The following DMTN variants were observed in gnomAD, a reference collection of about 807,000 sequenced individuals.
DMTN encodes dematin.
DMTN carries 27 observed loss-of-function variants against 59.4 expected under a neutral mutation model. That is an observed-to-expected ratio of 0.45 (90% CI 0.33 to 0.63). DMTN has a LOEUF of 0.63. DMTN is among the 20% of genes least tolerant of loss of function. The pLI is 0.02. For synonymous variants in DMTN, 221 were observed against 203.7 expected, an observed-to-expected ratio of 1.08 and a Z score of -0.72; for missense variants, 451 against 528.9, an observed-to-expected ratio of 0.85 and a Z score of 1.45.
chr8:22,061,897 A>G (rs948019421), intron 1 of DMTN, among the ~76,000 whole-genome samples: 1 of 146,528 alleles, frequency 6.8e-6, no homozygotes, highest in African/African-American at 2.5e-5. Context: ...GGGACCACAG[A>G]TGTGCACCAC....
intron 12 of DMTN, 42 bp from the exon 13 acceptor site, chr8:22,080,576 A>ACCTCAGAGCTGCATCTGAC (rs1823523121): frequency 7.4e-6 from 12 of 1,612,466 alleles, no homozygotes; most frequent in Admixed American, 1.7e-5. Flanking sequence ...TGGCCTGCTG[A>ACCTCAGAGCTGCATCTGAC]CCTCAGAGCT....
intron 9 of DMTN, 93 bp from the exon 10 acceptor site, chr8:22,073,630 CAAAAAAA>C (rs143269534): frequency 0.043 from 25,099 of 581,238 alleles, 5 homozygotes; most frequent in East Asian, 0.063. Flanking sequence ...GACCCTGTCT[CAAAAAAA>C]AAAAAAAAAA....
intron 10 of DMTN, among the ~76,000 whole-genome samples, chr8:22,079,489 T>C (rs1016726244): frequency 6.6e-6 from 1 of 151,590 alleles, no homozygotes; most frequent in Admixed American, 6.6e-5. Context: ...ATATGAATAC[T>C]AGCTGAGCAG....
rs386412281 is a variant in DMTN, at chr8:22,075,516, A to AT, written c.835+1704dup. 1.2e-3 allele frequency among the ~76,000 whole-genome samples: 106 copies of AT among 87,724 alleles called. 13 individuals carry two copies. The highest frequency in any genetic ancestry group is 3.1e-3 in the African/African-American group (66 of 21,022). 57.6% of individuals were successfully genotyped at this position (87,724 alleles called of 152,430 possible). A position where few individuals can be genotyped will look rare whatever the true frequency, so the allele number is the denominator to read the frequency against. On this transcript the variant is annotated intron_variant, in intron 10 of 15. Coordinates refer to ENST00000358242, the MANE Select transcript of DMTN (RefSeq NM_001387751.1). ...GGTGCATGCCACCATGCCCAGCTAA[A>AT]TTTTTTTTTTTTTTTTTTTTTTTAG... is the stretch of plus-strand genomic sequence containing the variant.
At chr8:22,068,592 G>A (rs1432508853) in intron 4 of DMTN, among the ~76,000 whole-genome samples, 1 of 151,636 alleles carries the variant, frequency 6.6e-6, no homozygotes, top group African/African-American at 2.4e-5. Context: ...GGATAGAGGA[G>A]AAAGAATAAG....
chr8:22,077,127 C>T (rs1820471987), intron 10 of DMTN, among the ~76,000 whole-genome samples: 1 of 151,998 alleles, frequency 6.6e-6, no homozygotes, highest in African/African-American at 2.4e-5. Flanking sequence ...GGCCAGGCTG[C>T]ACCATGGAGG....
In DMTN at chr8:22,082,324, C is replaced by T; in HGVS notation, c.*861C>T. ...TAATTTATTGGGGCCCCCCCAGCTG[C>T]TTTCCTCACCTGCCCCTGCCCTACC... is the stretch of plus-strand genomic sequence containing the variant. On this transcript the variant is annotated 3_prime_UTR_variant, in exon 16 of 16. Transcript: ENST00000358242. 2.3e-6 allele frequency: 1 copy of T among 435,022 alleles called. No homozygotes were observed. Among genetic ancestry groups the T allele is most frequent in the Non-Finnish European group, 4.7e-6 (1 of 213,626 alleles). 26.9% of individuals were successfully genotyped at this position (435,022 alleles called of 1,614,324 possible). A position where few individuals can be genotyped will look rare whatever the true frequency, so the allele number is the denominator to read the frequency against.
intron 1 of DMTN, among the ~76,000 whole-genome samples, chr8:22,059,970 A>C (rs1805144736): frequency 6.7e-6 from 1 of 149,358 alleles, no homozygotes; most frequent in East Asian, 2.0e-4. Flanking sequence ...TGTGGAGAGG[A>C]GAGGGTGGTG....
upstream of DMTN, among the ~76,000 whole-genome samples, chr8:22,050,776 G>A (rs1002449191): frequency 6.6e-6 from 1 of 152,064 alleles, no homozygotes; most frequent in Admixed American, 6.6e-5. Context: ...TGGGTCCCTG[G>A]GTCCCTGGGT....
intron 4 of DMTN, among the ~76,000 whole-genome samples, chr8:22,067,967 A>G (rs1324404330): frequency 3.3e-5 from 5 of 152,250 alleles, no homozygotes; most frequent in African/African-American, 1.2e-4. Flanking sequence ...GTTCAGAAGC[A>G]TTGAGAGCGG....
upstream of DMTN, among the ~76,000 whole-genome samples, chr8:22,052,570 C>G (rs1340513357): frequency 6.6e-6 from 1 of 152,068 alleles, no homozygotes; most frequent in East Asian, 1.9e-4. Flanking sequence ...ATAGAGCTCT[C>G]AAGGCACTTG....
intron 10 of DMTN, among the ~76,000 whole-genome samples, chr8:22,079,255 AAAATAAAT>A (rs1228605986): frequency 2.4e-4 from 20 of 83,406 alleles, no homozygotes; most frequent in African/African-American, 8.6e-4. Flanking sequence ...ACAAAAAATA[AAAATAAAT>A]AAATAAATAA....
intron 10 of DMTN, among the ~76,000 whole-genome samples, chr8:22,075,597 C>A (rs981505903): frequency 6.7e-6 from 1 of 148,982 alleles, no homozygotes; most frequent in African/African-American, 2.5e-5. Context: ...TGGCTCACTG[C>A]AACCACTGCC....
intron 3 of DMTN, 93 bp from the exon 4 acceptor site, chr8:22,067,434 T>C (rs1811671495): frequency 1.3e-6 from 2 of 1,544,626 alleles, no homozygotes; most frequent in Non-Finnish European, 1.8e-6. Context: ...TGGCGGTCCA[T>C]TTTCTTGGTA....
rs772471699 is a variant in DMTN at position 22,082,012 on chromosome 8, C to T, written c.*549C>T. ...CTCCACTTCAGCTTGCCCTGACCTC[C>T]GCTCGCAAACCCCGAGCTTCCAAGC... On this transcript the variant is annotated 3_prime_UTR_variant, in exon 16 of 16. Transcript: ENST00000358242. 1.6e-4 allele frequency: 73 copies of T among 456,950 alleles called. No homozygotes were observed. Among genetic ancestry groups the T allele is most frequent in the Admixed American group, 3.3e-4 (14 of 42,592 alleles). 28.3% of individuals were successfully genotyped at this position (456,950 alleles called of 1,614,324 possible).
intron 10 of DMTN, among the ~76,000 whole-genome samples, 160 bp from the exon 11 acceptor site, chr8:22,080,020 T>C (rs1586222589): frequency 2.0e-5 from 3 of 152,130 alleles, no homozygotes; most frequent in Non-Finnish European, 2.9e-5. Flanking sequence ...TTGCTGAAGG[T>C]GACCAGTAGG....
chr8:22,066,713 G>A lies in DMTN; in HGVS notation c.-163G>A, dbSNP rs1473633802. The A allele has an allele frequency of 1.1e-5, 8 of 702,636 alleles. No individual in the cohort carries two copies. Among genetic ancestry groups the A allele is most frequent in the Non-Finnish European group, 1.4e-5 (7 of 514,800 alleles). 43.5% of individuals were successfully genotyped at this position (702,636 alleles called of 1,614,324 possible). A position where few individuals can be genotyped will look rare whatever the true frequency, so the allele number is the denominator to read the frequency against. On this transcript the variant is annotated 5_prime_UTR_variant, in exon 2 of 16. Transcript: ENST00000358242. ...CTCCCTTCTCCCCGCAGCCTGGAGAGTCACCGCCGAGGGATGAGGACGCGC... is the reference window on the plus strand; with the variant it reads ...CTCCCTTCTCCCCGCAGCCTGGAGAATCACCGCCGAGGGATGAGGACGCGC...
chr8:22,070,592 C>G (rs1814574463), intron 8 of DMTN, among the ~76,000 whole-genome samples: 1 of 152,172 alleles, frequency 6.6e-6, no homozygotes, highest in Non-Finnish European at 1.5e-5. Context: ...AGACATGTAT[C>G]AAACTTCTGC....
upstream of DMTN, among the ~76,000 whole-genome samples, chr8:22,051,937 G>A (rs990376229): frequency 1.3e-5 from 2 of 152,162 alleles, no homozygotes; most frequent in Admixed American, 6.5e-5. Context: ...GCCCTGTCCA[G>A]TCTCCCTATT....
Sources: allele counts gnomAD v4.1 joint callset (sites outside exome capture counted in the v4.1 genomes callset), GRCh38; gene constraint gnomAD v4.1.1; transcripts MANE v1.5; gene names NCBI Gene and HGNC (gene_info 2026-07-23, HGNC 2026-07-21).